The following ABI2 variants were observed in gnomAD, a reference collection of about 807,000 sequenced individuals.
The protein encoded by ABI2 is abl interactor 2.
ABI2 carries 25 observed loss-of-function variants against 59.2 expected under a neutral mutation model. That is an observed-to-expected ratio of 0.42 (90% CI 0.31 to 0.59). ABI2 has a LOEUF of 0.59. ABI2 is among the 20% of genes least tolerant of loss of function. ABI2 has a pLI of 0.14. For missense variants in ABI2, 545 were observed against 681.8 expected, an observed-to-expected ratio of 0.80 and a Z score of 2.23; for synonymous variants, 213 against 235.5, an observed-to-expected ratio of 0.90 and a Z score of 0.87.
chr2:203,381,868 AAAGTAAAATGT>A (rs1370762508), intron 3 of ABI2, among the ~76,000 whole-genome samples: 1 of 152,212 alleles, frequency 6.6e-6, no homozygotes. Flanking sequence ...TATAATCCTC[AAAGTAAAATGT>A]TTTTCTTTCA....
At chr2:203,394,983 C>G in intron 6 of ABI2, 137 bp downstream of exon 6, 1 of 937,736 alleles carries the variant, frequency 1.1e-6, no homozygotes, top group Non-Finnish European at 1.7e-6. Flanking sequence ...TCTGATTTCA[C>G]CTCTCTCTCC....
At chr2:203,354,702 T>G (rs1181074173) in intron 1 of ABI2, among the ~76,000 whole-genome samples, 5 of 144,520 alleles carry the variant, frequency 3.5e-5, no homozygotes, top group Admixed American at 1.4e-4. Context: ...TCACATATTG[T>G]GATAAGAAGA....
At chr2:203,396,582 TC>T (rs1408481081) in intron 7 of ABI2, among the ~76,000 whole-genome samples, 1 of 152,184 alleles carries the variant, frequency 6.6e-6, no homozygotes, top group Non-Finnish European at 1.5e-5. Flanking sequence ...ATTGAAAAAA[TC>T]TGCACATTAC....
At chr2:203,402,942 A>T (rs2153451662) in intron 9 of ABI2, among the ~76,000 whole-genome samples, 1 of 152,360 alleles carries the variant, frequency 6.6e-6, no homozygotes, top group East Asian at 1.9e-4. Flanking sequence ...GTAAAGTCAT[A>T]CAACTTAGTT....
rs541517392 is a variant in ABI2 at position 203,382,793 on chromosome 2, TTC to T, written c.480+589_480+590del. The stretch of plus-strand genomic sequence containing the variant: ...AGTATCATATTTTGTAGAAAAATTA[TTC>T]TTTTTTCCAAATAGCTGTATAAAGA... On this transcript the variant is annotated intron_variant, in intron 4 of 11. Coordinates refer to ENST00000261018, the MANE Select transcript of ABI2 (RefSeq NM_001375670.1). Among the ~76,000 whole-genome samples the T allele has an allele frequency of 6.6e-4, 101 of 152,236 alleles. 1 individual carries two copies. Among genetic ancestry groups the T allele is most frequent in the Middle Eastern group, 3.4e-3 (1 of 294 alleles).
chr2:203,340,948 A>C (rs889598631), intron 1 of ABI2, among the ~76,000 whole-genome samples: 2 of 152,152 alleles, frequency 1.3e-5, no homozygotes, highest in African/African-American at 2.4e-5. Context: ...ACTCAACTTC[A>C]GCCACTTTGG....
intron 11 of ABI2, among the ~76,000 whole-genome samples, chr2:203,425,269 G>T (rs936172224): frequency 6.6e-6 from 1 of 151,840 alleles, no homozygotes; most frequent in African/African-American, 2.4e-5. Context: ...TGTCACCAAG[G>T]CTGGAGGGAA....
intron 7 of ABI2, among the ~76,000 whole-genome samples, chr2:203,396,374 A>C (rs1264097026): frequency 6.6e-6 from 1 of 152,092 alleles, no homozygotes; most frequent in Non-Finnish European, 1.5e-5. Flanking sequence ...GTTTTAAAAA[A>C]AATTTTTAAT....
intron 11 of ABI2, among the ~76,000 whole-genome samples, chr2:203,426,486 A>G (rs1282955427): frequency 1.3e-5 from 2 of 152,228 alleles, no homozygotes; most frequent in African/African-American, 4.8e-5. Flanking sequence ...AAGCAATGAA[A>G]ATCACAGGAG....
At chr2:203,384,594 G>T (rs1449842225) in intron 4 of ABI2, among the ~76,000 whole-genome samples, 1 of 152,006 alleles carries the variant, frequency 6.6e-6, no homozygotes. Flanking sequence ...ACAGTTGTGA[G>T]CCACCGTGCC....
intron 6 of ABI2, 56 bp downstream of exon 6, chr2:203,394,902 G>C (rs2096910537): frequency 6.4e-7 from 1 of 1,571,968 alleles, no homozygotes; most frequent in Non-Finnish European, 8.7e-7. Flanking sequence ...AATCTGTTCA[G>C]ATTACTTCAG....
rs2096664284 is a variant in ABI2, at chr2:203,389,644, ATTT to A, written c.481-1399_481-1397del. Among the ~76,000 whole-genome samples the A allele has an allele frequency of 3.3e-5, 5 of 152,330 alleles. No individual in the cohort carries two copies. The South Asian group carries it at 1.0e-3, about 32-fold the overall frequency. ...ATAATTTGACTACTCTAGCCATATTATTTTTAGAAAAGTTGAGGTCCTTTTTCA... is the reference window on the plus strand; with the variant it reads ...ATAATTTGACTACTCTAGCCATATTATTAGAAAAGTTGAGGTCCTTTTTCA... On this transcript the variant is annotated intron_variant, in intron 4 of 11. Coordinates refer to ENST00000261018, the MANE Select transcript of ABI2 (RefSeq NM_001375670.1).
intron 1 of ABI2, among the ~76,000 whole-genome samples, chr2:203,362,005 G>A (rs1285589869): frequency 6.6e-6 from 1 of 152,200 alleles, no homozygotes; most frequent in East Asian, 1.9e-4. Flanking sequence ...CATTTCTAAT[G>A]AGTTCTGCTG....
At chr2:203,349,735 A>C (rs1360122344) in intron 1 of ABI2, among the ~76,000 whole-genome samples, 1 of 151,410 alleles carries the variant, frequency 6.6e-6, no homozygotes, top group Non-Finnish European at 1.5e-5. Context: ...TTACGGCTGA[A>C]TAATATTCTA....
chr2:203,369,490 C>G (rs2094896806), intron 2 of ABI2, among the ~76,000 whole-genome samples: 1 of 152,062 alleles, frequency 6.6e-6, no homozygotes, highest in Non-Finnish European at 1.5e-5. Flanking sequence ...GAATACTCAG[C>G]CACCCTAGAT....
At chr2:203,374,791 G>A (rs986267749) in intron 2 of ABI2, 1 of 452,656 alleles carries the variant, frequency 2.2e-6, no homozygotes, top group Non-Finnish European at 4.5e-6. Flanking sequence ...ATTTAGTTGG[G>A]TTAATCCACT....
At chr2:203,332,454 G>GT (rs1345261462) in intron 1 of ABI2, among the ~76,000 whole-genome samples, 1 of 152,038 alleles carries the variant, frequency 6.6e-6, no homozygotes, top group Non-Finnish European at 1.5e-5. Context: ...GTGAAACCGC[G>GT]TATCTACTAA....
At chr2:203,410,358 T>C (rs1256948741) in intron 9 of ABI2, among the ~76,000 whole-genome samples, 2 of 152,262 alleles carry the variant, frequency 1.3e-5, no homozygotes, top group African/African-American at 4.8e-5. Flanking sequence ...AGAAAATGCA[T>C]ATCCTACTTT....
chr2:203,356,530 G>C (rs2092063486), intron 1 of ABI2, among the ~76,000 whole-genome samples: 1 of 151,964 alleles, frequency 6.6e-6, no homozygotes, highest in African/African-American at 2.4e-5. Flanking sequence ...TGCCACGCCC[G>C]GCTAATTTTT....
Sources: gnomAD v4.1 joint callset for allele counts (sites outside exome capture counted in the v4.1 genomes callset) on GRCh38, gnomAD v4.1.1 for gene constraint, MANE v1.5 for transcripts, NCBI Gene and HGNC (gene_info 2026-07-23, HGNC 2026-07-21) for gene names.